Variants in CACNB2 observed in about 807,000 individuals in gnomAD.
CACNB2 encodes the protein voltage-dependent L-type calcium channel subunit beta-2.
CACNB2 carries 42 observed loss-of-function variants against 73.3 expected under a neutral mutation model. The observed-to-expected ratio is 0.57, with a 90% confidence interval of 0.45 to 0.74. The LOEUF is 0.74. CACNB2 is among the 30% of genes least tolerant of loss of function. CACNB2 has a pLI of 0.00. For synonymous variants in CACNB2, 348 were observed against 310.3 expected, an observed-to-expected ratio of 1.12 and a Z score of -1.28; for missense variants, 940 against 853.0, an observed-to-expected ratio of 1.10 and a Z score of -1.27.
At chr10:18,522,877 CAAAAAAAAAAAAAAAAAA>C (rs10528720) in intron 9 of CACNB2, among the ~76,000 whole-genome samples, 8 of 77,822 alleles carry the variant, frequency 1.0e-4, no homozygotes, top group East Asian at 3.8e-4. Flanking sequence ...GACTCTGTCT[CAAAAAAAAAAAAAAAAAA>C]AAAAAAAAAA....
chr10:18,466,231 T>TA (rs1204501276), intron 3 of CACNB2, among the ~76,000 whole-genome samples: 15 of 152,136 alleles, frequency 9.9e-5, no homozygotes, highest in Non-Finnish European at 2.1e-4. Flanking sequence ...TTTGCCTATT[T>TA]AATCTATATA....
chr10:18,421,816 CTT>C (rs1220409465), intron 3 of CACNB2, among the ~76,000 whole-genome samples: 2 of 152,138 alleles, frequency 1.3e-5, no homozygotes, highest in Non-Finnish European at 2.9e-5. Context: ...TAAGCCCAGC[CTT>C]TTTCCTTTTA....
At chr10:18,175,817 C>T (rs1031390848) in intron 2 of CACNB2, among the ~76,000 whole-genome samples, 1 of 152,176 alleles carries the variant, frequency 6.6e-6, no homozygotes, top group African/African-American at 2.4e-5. Flanking sequence ...AGGCTGGTCT[C>T]AAACTCCTGA....
chr10:18,464,386 C>T lies in CACNB2; in HGVS notation c.334-33969C>T, dbSNP rs768467398. Among the ~76,000 whole-genome samples the T allele has an allele frequency of 4.7e-5, 6 of 128,888 alleles. No homozygotes were observed. The South Asian group carries it at 7.9e-4, about 17-fold the overall frequency. 84.6% of individuals were successfully genotyped at this position (128,888 alleles called of 152,430 possible). A position where few individuals can be genotyped will look rare whatever the true frequency, so the allele number is the denominator to read the frequency against. ...GTGATCACACCACAGCCTTCCAGCC[C>T]GGGCAACAGAGTGAGACCCTGTCTC... On this transcript the variant is annotated intron_variant, in intron 3 of 13. Transcript: ENST00000324631.
chr10:18,159,772 G>A lies in CACNB2; in HGVS notation c.213+8797G>A, dbSNP rs148840649. Among the ~76,000 whole-genome samples, 21 of 152,326 alleles carry A rather than the reference G, an allele frequency of 1.4e-4. No individual in the cohort carries two copies. In the East Asian group the frequency reaches 4.0e-3, roughly 29 times the overall value. ...ACTCCAGGCCTGCGTAGACTGATAT[G>A]TTTAAGGTTGGATAAATCTTTCAGC... is the stretch of plus-strand genomic sequence containing the variant. On this transcript the variant is annotated intron_variant, in intron 2 of 13. Coordinates refer to ENST00000324631, the MANE Select transcript of CACNB2 (RefSeq NM_201596.3).
chr10:18,367,109 A>G (rs926444349), intron 2 of CACNB2, among the ~76,000 whole-genome samples: 2 of 152,206 alleles, frequency 1.3e-5, no homozygotes, highest in African/African-American at 4.8e-5. Flanking sequence ...ACCCATTGAC[A>G]TCTGACATTT....
chr10:18,432,384 C>T (rs1250852028), intron 3 of CACNB2, among the ~76,000 whole-genome samples: 3 of 152,008 alleles, frequency 2.0e-5, no homozygotes, highest in South Asian at 4.2e-4. Flanking sequence ...AATGGTTTCA[C>T]AGATAATCAC....
intron 2 of CACNB2, among the ~76,000 whole-genome samples, chr10:18,236,320 C>G (rs1388241449): frequency 6.6e-6 from 1 of 152,174 alleles, no homozygotes; most frequent in African/African-American, 2.4e-5. Context: ...TGCTACAGTA[C>G]CACCTAGTCT....
chr10:18,220,249 A>G lies in CACNB2; in HGVS notation c.213+69274A>G, dbSNP rs1417466304. Among the ~76,000 whole-genome samples the G allele has an allele frequency of 4.1e-4, 45 of 110,458 alleles. 3 individuals carry two copies. Among genetic ancestry groups the G allele is most frequent in the African/African-American group, 1.7e-3 (40 of 23,582 alleles). 72.5% of individuals were successfully genotyped at this position (110,458 alleles called of 152,430 possible). A position where few individuals can be genotyped will look rare whatever the true frequency, so the allele number is the denominator to read the frequency against. On this transcript the variant is annotated intron_variant, in intron 2 of 13. Coordinates refer to ENST00000324631, the MANE Select transcript of CACNB2 (RefSeq NM_201596.3). Reference sequence around the variant, plus strand: ...TATATATATAGAGAGAGAGAGAGAGAGAGAGAGAGAGAGAGAGAGAGAGAG... The same window carrying G: ...TATATATATAGAGAGAGAGAGAGAGGGAGAGAGAGAGAGAGAGAGAGAGAG...
intron 2 of CACNB2, among the ~76,000 whole-genome samples, chr10:18,228,638 G>A (rs1208421057): frequency 6.6e-6 from 1 of 152,160 alleles, no homozygotes; most frequent in Admixed American, 6.5e-5. Flanking sequence ...CGGTAGGACA[G>A]TTGGAAGAAC....
intron 2 of CACNB2, among the ~76,000 whole-genome samples, chr10:18,300,647 A>C (rs918596722): frequency 6.6e-6 from 1 of 152,136 alleles, no homozygotes; most frequent in Non-Finnish European, 1.5e-5. Context: ...TCAGGAGTTC[A>C]AGACCAGCCT....
intron 2 of CACNB2, among the ~76,000 whole-genome samples, chr10:18,211,797 C>T (rs912539953): frequency 5.9e-5 from 9 of 151,998 alleles, no homozygotes; most frequent in African/African-American, 1.2e-4. Flanking sequence ...TAGAGTATTC[C>T]GTGGCGTGAA....
At chr10:18,468,709 C>T (rs1324387702) in intron 3 of CACNB2, among the ~76,000 whole-genome samples, 1 of 152,054 alleles carries the variant, frequency 6.6e-6, no homozygotes, top group Non-Finnish European at 1.5e-5. Flanking sequence ...AAGCAATTCT[C>T]CTGCCTCAGC....
intron 2 of CACNB2, among the ~76,000 whole-genome samples, chr10:18,353,772 A>G (rs559970984): frequency 2.1e-4 from 32 of 152,350 alleles, no homozygotes; most frequent in African/African-American, 7.0e-4. Context: ...ATACTGCTCT[A>G]TGGCAGCTGA....
At chr10:18,250,535 T>C (rs964117797) in intron 2 of CACNB2, among the ~76,000 whole-genome samples, 2 of 93,938 alleles carry the variant, frequency 2.1e-5, no homozygotes, top group Non-Finnish European at 5.5e-5. Context: ...ATCTCTCTCT[T>C]TTTTTTTTTT....
intron 3 of CACNB2, among the ~76,000 whole-genome samples, chr10:18,445,113 C>A (rs1438113491): frequency 6.6e-6 from 1 of 152,180 alleles, no homozygotes; most frequent in Non-Finnish European, 1.5e-5. Context: ...TGTTTTGCTT[C>A]TGCCCATGGT....
chr10:18,151,594 T>C (rs2031564459), intron 2 of CACNB2, among the ~76,000 whole-genome samples: 1 of 152,156 alleles, frequency 6.6e-6, no homozygotes, highest in Non-Finnish European at 1.5e-5. Flanking sequence ...AACACGCTTA[T>C]ATATGGTAAC....
chr10:18,230,172 CAG>C (rs1283108463), intron 2 of CACNB2, among the ~76,000 whole-genome samples: 2 of 152,138 alleles, frequency 1.3e-5, no homozygotes, highest in Admixed American at 6.5e-5. Flanking sequence ...ATGAGGGAGA[CAG>C]AGAGAGCATC....
chr10:18,541,052 A>ATGTT lies in CACNB2; in HGVS notation c.*1330_*1333dup, dbSNP rs33980121. 111,855 of 152,002 alleles carry ATGTT rather than the reference A, an allele frequency of 0.74. 41,378 individuals are homozygous for ATGTT. Among genetic ancestry groups the ATGTT allele is most frequent in the East Asian group, 0.97 (4,997 of 5,160 alleles). 9.4% of individuals were successfully genotyped at this position (152,002 alleles called of 1,614,324 possible). A position where few individuals can be genotyped will look rare whatever the true frequency, so the allele number is the denominator to read the frequency against. On this transcript the variant is annotated 3_prime_UTR_variant, in exon 14 of 14. Coordinates refer to ENST00000324631, the MANE Select transcript of CACNB2 (RefSeq NM_201596.3). ...GTTAGAGTATTTGTTTTAGTAAGAAATGTTTACACAGCTTGTGGAATTATT... is the reference window on the plus strand; with the variant it reads ...GTTAGAGTATTTGTTTTAGTAAGAAATGTTTGTTTACACAGCTTGTGGAATTATT...
Sources: gnomAD v4.1 joint callset for allele counts (sites outside exome capture counted in the v4.1 genomes callset) on GRCh38, gnomAD v4.1.1 for gene constraint, MANE v1.5 for transcripts, NCBI Gene and HGNC (gene_info 2026-07-23, HGNC 2026-07-21) for gene names.